The following PPP2R2D variants were observed in gnomAD, a reference collection of about 807,000 sequenced individuals.
PPP2R2D encodes protein phosphatase 2 regulatory subunit Bdelta.
Under a neutral mutation model 31.1 loss-of-function variants are expected in PPP2R2D, and 9 were observed. The observed-to-expected ratio is 0.29, with a 90% CI of 0.17 to 0.51. PPP2R2D has a LOEUF of 0.51. Among genes scored for constraint, PPP2R2D ranks in the 20% least tolerant of loss-of-function variants. PPP2R2D has a pLI of 0.98. For missense variants in PPP2R2D, 391 were observed against 465.6 expected (o/e 0.84, Z 1.48); for synonymous variants, 179 against 172.6 (o/e 1.04, Z -0.29).
In PPP2R2D at chr10:131,918,759, TCA is replaced by T. The variant is rs536225272; in HGVS notation, c.101-15695_101-15694del. Among the ~76,000 whole-genome samples the T allele has an allele frequency of 2.0e-3, 282 of 142,662 alleles. 1 individual carries two copies. The highest frequency in any genetic ancestry group is 2.8e-3 in the African/African-American group (105 of 37,364). 93.6% of individuals were successfully genotyped at this position (142,662 alleles called of 152,430 possible). A position where few individuals can be genotyped will look rare whatever the true frequency, so the allele number is the denominator to read the frequency against. ...GAATGACACAGTGTTTGTAGGGACC[TCA>T]CACGGGTGGAATGACACAGTGTTTG... is the stretch of plus-strand genomic sequence containing the variant. On this transcript the variant is annotated intron_variant, in intron 2 of 8. Transcript: ENST00000455566.
chr10:131,959,312 C>CCCCATCCCCCT lies in PPP2R2D; in HGVS notation c.*3349_*3350insCCCATCCCCCT, dbSNP rs2036884482. ...GTGGAGATGAAGGCGTGTGCTGATC[C>CCCCATCCCCCT]GCCATCCCCCTGTGGAGATGAAGGC... is the stretch of plus-strand genomic sequence containing the variant. On this transcript the variant is annotated 3_prime_UTR_variant, in exon 9 of 9. Transcript: ENST00000455566. 3 of 136,994 alleles carry CCCCATCCCCCT rather than the reference C, an allele frequency of 2.2e-5. No homozygotes were observed. The highest frequency in any genetic ancestry group is 8.6e-5 in the Admixed American group (1 of 11,624). The allele number at this position is 136,994 out of a possible 1,614,324, so 8.5% of individuals were successfully genotyped here.
At chr10:131,965,575 T>A in the PPP2R2D span, among the ~76,000 whole-genome samples, 1 of 152,196 alleles carries the variant, frequency 6.6e-6, no homozygotes, top group Non-Finnish European at 1.5e-5. Context: ...GCCTCCCAAG[T>A]AGCTGGGACT....
chr10:131,964,673 T>TTTG (rs1444676076), downstream of PPP2R2D, among the ~76,000 whole-genome samples: 6 of 151,264 alleles, frequency 4.0e-5, no homozygotes, highest in African/African-American at 1.5e-4. Context: ...TATGTTTTTT[T>TTTG]TTTTTTTTTT....
Position 131,944,038 on chromosome 10 carries a change from C to A in PPP2R2D, c.548C>A (p.Thr183Lys). 1 of 1,567,942 alleles carries A rather than the reference C, an allele frequency of 6.4e-7. No homozygotes were observed. The highest frequency in any genetic ancestry group is 8.8e-7 in the Non-Finnish European group (1 of 1,137,950). The part of the protein sequence containing the change: ...SPRRIFANAH[T>K]YHINSISVNS... ...CGGCGAATTTTTGCAAATGCTCACA[C>A]ATATCATATAAATTCCATTTCAGTA... Residue 183 changes from threonine to lysine, a missense_variant, in exon 6 of 9, where the codon ACA (threonine) becomes AAA (lysine). Thr to Lys is a moderately conservative substitution (Grantham distance 78). Coordinates refer to ENST00000455566, the MANE Select transcript of PPP2R2D (RefSeq NM_018461.5).
chr10:131,917,723 G>A (rs1358112021), intron 2 of PPP2R2D, among the ~76,000 whole-genome samples: 2 of 122,146 alleles, frequency 1.6e-5, no homozygotes, highest in Non-Finnish European at 3.4e-5. Flanking sequence ...ACAGTGTAGG[G>A]ACCTCACGTG....
At chr10:131,923,908 C>T (rs992974993) in intron 2 of PPP2R2D, among the ~76,000 whole-genome samples, 1 of 152,100 alleles carries the variant, frequency 6.6e-6, no homozygotes, top group African/African-American at 2.4e-5. Flanking sequence ...AGATACACAC[C>T]ACCACAGCCG....
At chr10:131,934,425 A>T (rs1308916255) in intron 2 of PPP2R2D, 33 bp from the exon 3 acceptor site, 1 of 757,214 alleles carries the variant, frequency 1.3e-6, no homozygotes, top group African/African-American at 1.7e-5. Context: ...CCAAAACCGC[A>T]TCCGGTAAAT....
chr10:131,908,927 C>T (rs2035640949), intron 2 of PPP2R2D, among the ~76,000 whole-genome samples: 1 of 152,212 alleles, frequency 6.6e-6, no homozygotes, highest in Non-Finnish European at 1.5e-5. Flanking sequence ...CTAGTGCTGG[C>T]TGTTGGAAAT....
In PPP2R2D at chr10:131,922,753, G is replaced by C. The variant is rs1013182874; in HGVS notation, c.101-11705G>C. ...GAGCTACTGCGCCCGGCCATTATCT[G>C]TCAATTTTTTTCTTAAAAAAAATTG... On this transcript the variant is annotated intron_variant, in intron 2 of 8. Coordinates refer to ENST00000455566, the MANE Select transcript of PPP2R2D (RefSeq NM_018461.5). Among the ~76,000 whole-genome samples, 8 of 151,986 alleles carry C rather than the reference G, an allele frequency of 5.3e-5. 1 individual carries two copies. The South Asian group carries it at 1.7e-3, about 31-fold the overall frequency.
the PPP2R2D span, among the ~76,000 whole-genome samples, chr10:131,965,634 C>T: frequency 6.6e-5 from 10 of 152,204 alleles, no homozygotes; most frequent in Non-Finnish European, 1.0e-4. Flanking sequence ...TTAGTAGAGA[C>T]GGGGTTTCAC....
rs958568901 is a variant in PPP2R2D, at chr10:131,939,125, G to A, written c.199-906G>A. On this transcript the variant is annotated intron_variant, in intron 3 of 8. Coordinates refer to ENST00000455566, the MANE Select transcript of PPP2R2D (RefSeq NM_018461.5). ...CCAGAAAACACGGCAGGCTGCATTC[G>A]GCAGACCTGCTCCAGAAAACACGGC... 1.4e-4 allele frequency among the ~76,000 whole-genome samples: 21 copies of A among 147,714 alleles called. 1 individual carries two copies. Among genetic ancestry groups the A allele is most frequent in the Non-Finnish European group, 2.5e-4 (17 of 66,834 alleles).
At position 131,958,014 on chromosome 10, in the gene PPP2R2D, T is replaced by A. The variant is rs2036842828; in HGVS notation, c.*2051T>A. The A allele has an allele frequency of 7.3e-6, 1 of 137,492 alleles. No homozygotes were observed. The highest frequency in any genetic ancestry group is 2.4e-4 in the East Asian group (1 of 4,106). 8.5% of individuals were successfully genotyped at this position (137,492 alleles called of 1,614,324 possible). A position where few individuals can be genotyped will look rare whatever the true frequency, so the allele number is the denominator to read the frequency against. On this transcript the variant is annotated 3_prime_UTR_variant, in exon 9 of 9. Coordinates refer to ENST00000455566, the MANE Select transcript of PPP2R2D (RefSeq NM_018461.5). ...CTGTGGACATGGAGGCGTGTGCTGA[T>A]CCCCCGTCCCCCTGTGGAGATGAAG...
chr10:131,939,882 T>C (rs1315071910), intron 3 of PPP2R2D, 149 bp from the exon 4 acceptor site: 4 of 414,752 alleles, frequency 9.6e-6, no homozygotes, highest in African/African-American at 8.2e-5. Context: ...TTTTTTTTTT[T>C]TTCCCTGAGT....
intron 2 of PPP2R2D, among the ~76,000 whole-genome samples, chr10:131,910,215 CAG>C (rs1454285284): frequency 6.6e-6 from 1 of 152,180 alleles, no homozygotes; most frequent in Non-Finnish European, 1.5e-5. Context: ...GTCTTGTGCT[CAG>C]AGTGGGTCTT....
At chr10:131,968,067 C>G in the PPP2R2D span, 1 of 154,940 alleles carries the variant, frequency 6.5e-6, no homozygotes, top group South Asian at 1.9e-4. Context: ...ATAATACTTT[C>G]TACAATAGTG....
In PPP2R2D at chr10:131,916,874, TTGTA is replaced by T. The variant is rs2035802792; in HGVS notation, c.100+15545_100+15548del. On this transcript the variant is annotated intron_variant, in intron 2 of 8. Coordinates refer to ENST00000455566, the MANE Select transcript of PPP2R2D (RefSeq NM_018461.5). ...CCTCAGGCGGGTGGAATGACAGTGT[TTGTA>T]GGGACCTCACGCAGGTGGAATGACA... 1.9e-5 allele frequency among the ~76,000 whole-genome samples: 2 copies of T among 104,198 alleles called. 1 individual carries two copies. Among genetic ancestry groups the T allele is most frequent in the African/African-American group, 8.0e-5 (2 of 24,988 alleles). 68.4% of individuals were successfully genotyped at this position (104,198 alleles called of 152,430 possible).
chr10:131,915,885 T>G (rs1554892988), intron 2 of PPP2R2D, among the ~76,000 whole-genome samples: 1 of 152,208 alleles, frequency 6.6e-6, no homozygotes, highest in Non-Finnish European at 1.5e-5. Context: ...CCGGTTAAGT[T>G]CAGGTGTGTA....
At chr10:131,970,854 A>T in the PPP2R2D span, 1 of 1,614,238 alleles carries the variant, frequency 6.2e-7, no homozygotes, top group South Asian at 1.1e-5. The surrounding 1 kb of genome is among the most constrained non-coding windows in gnomAD (Gnocchi z 4.1). Flanking sequence ...GACACTGAGA[A>T]CACACTCACT....
the PPP2R2D span, chr10:131,967,617 G>C: frequency 6.6e-6 from 1 of 152,574 alleles, no homozygotes; most frequent in Non-Finnish European, 1.5e-5. Context: ...TCAAAATAGG[G>C]ACCAGTCCTG....
Sources: gnomAD v4.1 joint callset for allele counts (sites outside exome capture counted in the v4.1 genomes callset) on GRCh38, gnomAD v4.1.1 for gene constraint, Gnocchi (gnomAD v3.1) non-coding constraint, MANE v1.5 for transcripts, NCBI Gene and HGNC (gene_info 2026-07-23, HGNC 2026-07-21) for gene names.